The following GRM7 variants were observed in gnomAD, a reference collection of about 807,000 sequenced individuals.
GRM7 encodes the protein glutamate metabotropic receptor 7.
In GRM7, 35 loss-of-function variants were observed where a neutral mutation model predicts 84.5. The ratio of observed to expected loss-of-function variants is 0.41; its 90% CI spans 0.32 to 0.55. The LOEUF (loss-of-function observed/expected upper bound fraction) is 0.55. Ranked by LOEUF, GRM7 falls within the 20% of genes least tolerant of loss-of-function variation. The probability of loss-of-function intolerance (pLI) is 0.19; values close to 1 mark genes in which losing one functional copy is unlikely to be tolerated. For missense variants in GRM7, 1,003 were observed against 1,194.6 expected (o/e 0.84, Z 2.36); for synonymous variants, 487 against 455.1 (o/e 1.07, Z -0.89).
At chr3:7,596,855 T>C (rs932529146) in intron 8 of GRM7, among the ~76,000 whole-genome samples, 1 of 152,036 alleles carries the variant, frequency 6.6e-6, no homozygotes, top group African/African-American at 2.4e-5. Flanking sequence ...ACCCAGGTAG[T>C]AGGTGGAGAG....
At chr3:7,708,239 C>T (rs924775569) in intron 9 of GRM7, among the ~76,000 whole-genome samples, 7 of 151,098 alleles carry the variant, frequency 4.6e-5, no homozygotes, top group African/African-American at 1.7e-4. Flanking sequence ...CACGTGCTTT[C>T]ATGTACTTTG....
At chr3:7,559,328 AAGCACAG>A (rs1416658509) in intron 7 of GRM7, 2 of 152,188 alleles carry the variant, frequency 1.3e-5, no homozygotes, top group Non-Finnish European at 2.9e-5. Context: ...AGGTCTGGAG[AAGCACAG>A]ATGCCAAGGT....
intron 1 of GRM7, among the ~76,000 whole-genome samples, chr3:7,059,563 T>C (rs1697358886): frequency 6.6e-6 from 1 of 151,804 alleles, no homozygotes; most frequent in South Asian, 2.1e-4. Context: ...AACCTAAATC[T>C]TTCTAAAATC....
chr3:7,572,701 A>G (rs1211685988), intron 7 of GRM7, among the ~76,000 whole-genome samples: 1 of 150,080 alleles, frequency 6.7e-6, no homozygotes, highest in African/African-American at 2.5e-5. Context: ...GGGTGCCTGT[A>G]GTCCTAGCTA....
intron 9 of GRM7, among the ~76,000 whole-genome samples, chr3:7,720,237 T>G (rs756364682): frequency 1.2e-4 from 19 of 152,188 alleles, no homozygotes; most frequent in Non-Finnish European, 2.4e-4. Flanking sequence ...GACTTCATAC[T>G]GCCTCTCACA....
intron 1 of GRM7, among the ~76,000 whole-genome samples, chr3:6,986,800 C>T (rs998184368): frequency 6.6e-6 from 1 of 152,156 alleles, no homozygotes; most frequent in Non-Finnish European, 1.5e-5. Context: ...TCAGCCCCAC[C>T]AGCACTCTGC....
chr3:7,028,532 C>T (rs1277705904), intron 1 of GRM7, among the ~76,000 whole-genome samples: 2 of 152,082 alleles, frequency 1.3e-5, no homozygotes, highest in South Asian at 2.1e-4. Context: ...CAGATTTATC[C>T]TCTTGCCTAA....
At position 7,271,663 on chromosome 3, in the gene GRM7, T is replaced by C. The variant is rs78306035; in HGVS notation, c.737-27021T>C. On this transcript the variant is annotated intron_variant, in intron 2 of 9. Coordinates refer to ENST00000357716, the MANE Select transcript of GRM7 (RefSeq NM_000844.4). Reference sequence around the variant, plus strand: ...TTTAACAAGGTCCCTAGCTGATTCCTCTGCATTTTAAAGTTCAATAAAAAC... The same window carrying C: ...TTTAACAAGGTCCCTAGCTGATTCCCCTGCATTTTAAAGTTCAATAAAAAC... Among the ~76,000 whole-genome samples, 514 of 151,556 alleles carry C rather than the reference T, an allele frequency of 3.4e-3. 22 individuals are homozygous for C. In the East Asian group the frequency reaches 0.081, roughly 24 times the overall value.
At chr3:7,450,154 A>G (rs1232890837) in intron 5 of GRM7, among the ~76,000 whole-genome samples, 1 of 152,104 alleles carries the variant, frequency 6.6e-6, no homozygotes, top group Non-Finnish European at 1.5e-5. Context: ...ACAAAAAAAG[A>G]AACAAGTTTC....
intron 8 of GRM7, among the ~76,000 whole-genome samples, chr3:7,608,308 C>G (rs1333588154): frequency 6.6e-6 from 1 of 152,092 alleles, no homozygotes; most frequent in Non-Finnish European, 1.5e-5. Context: ...GAATCGCTTT[C>G]CACTAAGGTT....
intron 7 of GRM7, among the ~76,000 whole-genome samples, chr3:7,564,486 A>C (rs1321872103): frequency 6.6e-6 from 1 of 152,092 alleles, no homozygotes; most frequent in African/African-American, 2.4e-5. Context: ...AAAGGAAAGG[A>C]AGTTGATGTG....
chr3:7,306,467 T>A (rs767211661), intron 3 of GRM7, 31 bp from the exon 4 acceptor site: 27 of 1,595,620 alleles, frequency 1.7e-5, no homozygotes, highest in Non-Finnish European at 2.1e-5. Flanking sequence ...TTCTTTATCA[T>A]TAATATAACT....
chr3:7,281,016 T>C (rs1365574161), intron 2 of GRM7, among the ~76,000 whole-genome samples: 1 of 152,128 alleles, frequency 6.6e-6, no homozygotes, highest in African/African-American at 2.4e-5. Flanking sequence ...ATAAAAAGTG[T>C]CTGTTCTTTC....
chr3:7,333,707 T>A (rs199983265), intron 4 of GRM7, among the ~76,000 whole-genome samples: 2 of 150,100 alleles, frequency 1.3e-5, no homozygotes, highest in Non-Finnish European at 3.0e-5. Flanking sequence ...ATAAAGAAAT[T>A]AAAAAAAAAT....
intron 1 of GRM7, among the ~76,000 whole-genome samples, chr3:7,053,089 A>T (rs79390449): frequency 0.16 from 22,334 of 142,074 alleles, 2,398 homozygotes; most frequent in African/African-American, 0.35. Context: ...TTTTTTTTTT[A>T]AAATAATTCT....
intron 1 of GRM7, among the ~76,000 whole-genome samples, chr3:6,923,512 A>G (rs531852761): frequency 6.8e-4 from 104 of 152,302 alleles, no homozygotes; most frequent in Middle Eastern, 6.8e-3. Context: ...TAACATAGCA[A>G]ATGAAATCTT....
intron 2 of GRM7, among the ~76,000 whole-genome samples, chr3:7,238,650 G>C (rs1394149758): frequency 6.6e-6 from 1 of 152,092 alleles, no homozygotes; most frequent in Non-Finnish European, 1.5e-5. Context: ...ATATTCAAAA[G>C]TCAGGTGGGA....
chr3:6,908,810 T>C (rs1013923427), intron 1 of GRM7, among the ~76,000 whole-genome samples: 9 of 152,162 alleles, frequency 5.9e-5, no homozygotes, highest in Admixed American at 1.3e-4. Context: ...CTATTAGAAC[T>C]AGCAAGAACT....
At chr3:7,559,716 A>T (rs1693928621) in intron 7 of GRM7, among the ~76,000 whole-genome samples, 1 of 152,138 alleles carries the variant, frequency 6.6e-6, no homozygotes, top group East Asian at 1.9e-4. Context: ...CAGTGGTCTT[A>T]CCTAGTACAC....
Sources: allele counts gnomAD v4.1 joint callset (sites outside exome capture counted in the v4.1 genomes callset), GRCh38; gene constraint gnomAD v4.1.1; transcripts MANE v1.5; gene names NCBI Gene and HGNC (gene_info 2026-07-23, HGNC 2026-07-21).